STK32B: variants seen among roughly 807,000 people sequenced by gnomAD.
STK32B encodes the protein serine/threonine-protein kinase 32B.
Under a neutral mutation model 52.6 loss-of-function variants are expected in STK32B, and 43 were observed. The ratio of observed to expected loss-of-function variants is 0.82; its 90% CI spans 0.64 to 1.05. The LOEUF is 1.05. Among genes scored for constraint, STK32B ranks in the 50% least tolerant of loss-of-function variants. The probability of loss-of-function intolerance (pLI) is 0.00; values close to 1 mark genes in which losing one functional copy is unlikely to be tolerated. For synonymous variants in STK32B, 238 were observed against 204.3 expected (o/e 1.17, Z -1.41); for missense variants, 621 against 534.6 (o/e 1.16, Z -1.59).
At chr4:5,162,874 C>G (rs1440200781) in intron 2 of STK32B, among the ~76,000 whole-genome samples, 1 of 152,212 alleles carries the variant, frequency 6.6e-6, no homozygotes, top group African/African-American at 2.4e-5. Context: ...CAGCTTCCTT[C>G]TAGAACACCT....
chr4:5,238,779 T>C (rs1197374772), intron 3 of STK32B, among the ~76,000 whole-genome samples: 2 of 152,186 alleles, frequency 1.3e-5, no homozygotes, highest in African/African-American at 4.8e-5. Context: ...ACTCAACAAT[T>C]GTGTTCTCAG....
chr4:5,330,589 T>C (rs7696602), intron 3 of STK32B, among the ~76,000 whole-genome samples: 48,701 of 152,086 alleles, frequency 0.32, 12,392 homozygotes, highest in African/African-American at 0.7. Context: ...ATGCTCAAGG[T>C]AGCTCACTCG....
At chr4:5,244,927 C>A (rs1450657386) in intron 3 of STK32B, among the ~76,000 whole-genome samples, 1 of 152,208 alleles carries the variant, frequency 6.6e-6, no homozygotes, top group Non-Finnish European at 1.5e-5. Context: ...TTTGATTGCA[C>A]TGTGGTCTGA....
rs1482815246 is a variant in STK32B at position 5,475,844 on chromosome 4, A to G, written c.1106+7774A>G. On this transcript the variant is annotated intron_variant, in intron 11 of 11. Transcript: ENST00000282908. ...GTGTACTGTGCTTGGTTGGCATTTT[A>G]TATATATTCACACTTGATCTACAAT... 3.3e-5 allele frequency among the ~76,000 whole-genome samples: 5 copies of G among 151,578 alleles called. No homozygotes were observed. The South Asian group carries it at 1.0e-3, about 32-fold the overall frequency.
chr4:5,034,838 C>T, the STK32B span, among the ~76,000 whole-genome samples: 2 of 152,294 alleles, frequency 1.3e-5, no homozygotes, highest in Non-Finnish European at 2.9e-5. Flanking sequence ...ATGTTCATGG[C>T]AGCCTGGTCA....
chr4:5,182,557 G>A (rs1720443916), intron 3 of STK32B, among the ~76,000 whole-genome samples: 1 of 151,962 alleles, frequency 6.6e-6, no homozygotes. Flanking sequence ...TGCCTCCCGG[G>A]TTCAAGAGAT....
chr4:5,032,022 T>A, the STK32B span, among the ~76,000 whole-genome samples: 1 of 152,182 alleles, frequency 6.6e-6, no homozygotes, highest in African/African-American at 2.4e-5. Context: ...GCTGAATGAT[T>A]CACCAAGCAG....
At chr4:5,301,016 C>A (rs1335532684) in intron 3 of STK32B, among the ~76,000 whole-genome samples, 1 of 151,980 alleles carries the variant, frequency 6.6e-6, no homozygotes, top group Admixed American at 6.6e-5. Context: ...TTATCAAATG[C>A]TTTTTCTGAA....
intron 3 of STK32B, among the ~76,000 whole-genome samples, chr4:5,307,635 G>A (rs1430647883): frequency 6.6e-6 from 1 of 150,378 alleles, no homozygotes; most frequent in East Asian, 2.0e-4. Flanking sequence ...CCTTCTTCTG[G>A]CAATTCATTT....
At chr4:5,179,918 C>G (rs1264536115) in intron 3 of STK32B, among the ~76,000 whole-genome samples, 1 of 152,186 alleles carries the variant, frequency 6.6e-6, no homozygotes, top group Non-Finnish European at 1.5e-5. Flanking sequence ...CTGAACAGCC[C>G]CAGCAGAGGC....
At chr4:5,496,548 C>CCTGCTGCTGCTCGCGCACGGTGCG (rs61698429) in intron 11 of STK32B, among the ~76,000 whole-genome samples, 1 of 137,920 alleles carries the variant, frequency 7.3e-6, no homozygotes. Context: ...AATGCCTTGC[C>CCTGCTGCTGCTCGCGCACGGTGCG]CTGCACCCAC....
Position 5,416,809 on chromosome 4 carries a change from C to G in STK32B, c.473-36C>G, listed in dbSNP as rs376960188. Reference sequence around the variant, plus strand: ...TTTAAATAACCCAGCTGCCTGCAGCCCACGCTAACTGGAGTTTCTGTTTCT... The same window carrying G: ...TTTAAATAACCCAGCTGCCTGCAGCGCACGCTAACTGGAGTTTCTGTTTCT... On this transcript the variant is annotated intron_variant, in intron 5 of 11. Transcript: ENST00000282908. 79 of 1,593,866 alleles carry G rather than the reference C, an allele frequency of 5.0e-5. No homozygotes were observed. In the African/African-American group the frequency reaches 9.0e-4, roughly 18 times the overall value.
chr4:5,171,883 A>T (rs185875523), intron 3 of STK32B, among the ~76,000 whole-genome samples: 1 of 147,518 alleles, frequency 6.8e-6, no homozygotes, highest in Non-Finnish European at 1.5e-5. Flanking sequence ...CATTGAATCT[A>T]TAAATTACCT....
rs75000375 is a variant in STK32B at position 5,108,772 on chromosome 4, G to A, written c.53-31133G>A. 8.9e-3 allele frequency among the ~76,000 whole-genome samples: 1,355 copies of A among 152,252 alleles called. 16 individuals carry two copies. The highest frequency in any genetic ancestry group is 0.03 in the African/African-American group (1,248 of 41,554). ...ATCACCTGAAAACCTGAAATCTGCC[G>A]ATGCTGTGAGTCTGTTGACTCCACA... is the stretch of plus-strand genomic sequence containing the variant. On this transcript the variant is annotated intron_variant, in intron 1 of 11. Transcript: ENST00000282908.
intron 3 of STK32B, among the ~76,000 whole-genome samples, chr4:5,177,260 C>A (rs1719980952): frequency 6.6e-6 from 1 of 152,156 alleles, no homozygotes; most frequent in African/African-American, 2.4e-5. Flanking sequence ...ACCTTCTTCA[C>A]AGGGCAGCAG....
intron 3 of STK32B, among the ~76,000 whole-genome samples, chr4:5,272,109 T>G (rs1393708888): frequency 1.4e-5 from 2 of 147,210 alleles, no homozygotes; most frequent in Admixed American, 6.7e-5. Flanking sequence ...GCTTCCAGTT[T>G]TTGTCCATTC....
upstream of STK32B, among the ~76,000 whole-genome samples, chr4:5,049,997 T>C (rs1741700635): frequency 2.0e-5 from 3 of 152,198 alleles, no homozygotes; most frequent in African/African-American, 7.2e-5. Context: ...TTAAGTAATT[T>C]ATCCAAGTTA....
At chr4:5,230,031 C>T (rs771211084) in intron 3 of STK32B, among the ~76,000 whole-genome samples, 4 of 151,842 alleles carry the variant, frequency 2.6e-5, no homozygotes, top group Non-Finnish European at 5.9e-5. Flanking sequence ...TCGCTCTTGT[C>T]GTCCAGGCTG....
At chr4:5,347,929 C>T (rs1376253729) in intron 4 of STK32B, among the ~76,000 whole-genome samples, 2 of 152,108 alleles carry the variant, frequency 1.3e-5, no homozygotes, top group East Asian at 1.9e-4. Context: ...AAATAAATTA[C>T]CCAGTCTTAA....
Sources: allele counts gnomAD v4.1 joint callset (sites outside exome capture counted in the v4.1 genomes callset), GRCh38; gene constraint gnomAD v4.1.1; transcripts MANE v1.5; gene names NCBI Gene and HGNC (gene_info 2026-07-23, HGNC 2026-07-21).